Variants in IQSEC1 observed in about 807,000 individuals in gnomAD.
IQSEC1 encodes IQ motif and SEC7 domain-containing protein 1.
In IQSEC1, 31 loss-of-function variants were observed where a neutral mutation model predicts 91.0. The observed-to-expected ratio is 0.34, with a 90% CI of 0.26 to 0.46. The LOEUF is 0.46. IQSEC1 is among the 20% of genes least tolerant of loss of function. The pLI, the probability that IQSEC1 is intolerant of heterozygous loss-of-function variation, is 1.00. For synonymous variants in IQSEC1, 699 were observed against 662.6 expected, an observed-to-expected ratio of 1.05 and a Z score of -0.84; for missense variants, 1,388 against 1,575.6, an observed-to-expected ratio of 0.88 and a Z score of 2.02.
chr3:12,925,390 C>T (rs1697029771), intron 3 of IQSEC1, among the ~76,000 whole-genome samples: 1 of 152,216 alleles, frequency 6.6e-6, no homozygotes, highest in African/African-American at 2.4e-5. Flanking sequence ...CTCTGGTTAC[C>T]TGCGGTGCTC....
intron 1 of IQSEC1, chr3:13,015,472 C>G (rs750977720): frequency 8.2e-5 from 57 of 695,610 alleles, no homozygotes; most frequent in Non-Finnish European, 9.9e-5. Context: ...CTGACGACAG[C>G]CCCCAAGACC....
At chr3:13,266,293 G>A (rs768873435) in intron 1 of IQSEC1, among the ~76,000 whole-genome samples, 5 of 152,162 alleles carry the variant, frequency 3.3e-5, no homozygotes, top group South Asian at 2.1e-4. Context: ...CAATGCCATC[G>A]CCCTTGGACT....
chr3:12,913,573 C>A lies in IQSEC1; in HGVS notation c.2191-20G>T. On this transcript the variant is annotated intron_variant, in intron 8 of 13. Coordinates refer to ENST00000613206, the MANE Select transcript of IQSEC1 (RefSeq NM_001134382.3). ...GAGCACCTGTGTGGGAAGAGGCTGT[C>A]CTGCCACGGCCGCCCAGCTCTCCTC... The A allele has an allele frequency of 6.3e-7, 1 of 1,593,748 alleles. No homozygotes were observed. The highest frequency in any genetic ancestry group is 1.1e-5 in the South Asian group (1 of 90,194).
intron 1 of IQSEC1, among the ~76,000 whole-genome samples, chr3:12,977,764 C>T (rs1439623021): frequency 1.3e-5 from 2 of 152,238 alleles, no homozygotes; most frequent in African/African-American, 2.4e-5. Flanking sequence ...AAATCAACAG[C>T]GTCTCCTAAG....
chr3:13,226,402 A>T (rs1342896435), intron 1 of IQSEC1, among the ~76,000 whole-genome samples: 1 of 152,170 alleles, frequency 6.6e-6, no homozygotes, highest in African/African-American at 2.4e-5. Flanking sequence ...ATAATTACTG[A>T]GCACATACTG....
intron 2 of IQSEC1, among the ~76,000 whole-genome samples, chr3:13,123,326 T>C (rs1706454329): frequency 6.6e-6 from 1 of 152,212 alleles, no homozygotes; most frequent in Admixed American, 6.5e-5. Context: ...GGAAAGCCTG[T>C]CTCTGACATC....
chr3:12,977,950 A>G (rs1337320182), intron 1 of IQSEC1, among the ~76,000 whole-genome samples: 1 of 152,230 alleles, frequency 6.6e-6, no homozygotes, highest in Non-Finnish European at 1.5e-5. Flanking sequence ...GAATGTGTGC[A>G]TTCCTGAATG....
chr3:13,074,232 G>T (rs1327166300), upstream of IQSEC1, among the ~76,000 whole-genome samples: 1 of 152,212 alleles, frequency 6.6e-6, no homozygotes, highest in Non-Finnish European at 1.5e-5. Flanking sequence ...GGCCCTCTGT[G>T]AGGCACGTGT....
rs371643010 is a variant in IQSEC1, at chr3:13,267,105, G to C, written c.272+15606C>G. On this transcript the variant is annotated intron_variant, in intron 1 of 15. Transcript: ENST00000648114. ...GGAGGTGGGGCCTCTGGGAGGTGGT[G>C]AGGTCATGAGGGCAGAGCCCTCCTG... Among the ~76,000 whole-genome samples, 12 of 152,326 alleles carry C rather than the reference G, an allele frequency of 7.9e-5. No homozygotes were observed. The East Asian group carries it at 1.9e-3, about 24-fold the overall frequency.
intron 2 of IQSEC1, among the ~76,000 whole-genome samples, chr3:13,142,967 A>G (rs1458380710): frequency 6.6e-6 from 1 of 152,010 alleles, no homozygotes; most frequent in African/African-American, 2.4e-5. Context: ...ATGGTCCTTC[A>G]TTTCCTCCTG....
At position 13,279,214 on chromosome 3, in the gene IQSEC1, C is replaced by T. The variant is rs572976695; in HGVS notation, c.272+3497G>A. Among the ~76,000 whole-genome samples the T allele has an allele frequency of 2.8e-4, 42 of 152,306 alleles. No individual in the cohort carries two copies. The Middle Eastern group carries it at 0.02, about 74-fold the overall frequency. On this transcript the variant is annotated intron_variant, in intron 1 of 15. Coordinates refer to the IQSEC1 transcript ENST00000648114. Reference sequence around the variant, plus strand: ...AATCCCTCTGGCTTCATCCACTCAACAAATCTTTACTGAGTGCCTATTATG... The same window carrying T: ...AATCCCTCTGGCTTCATCCACTCAATAAATCTTTACTGAGTGCCTATTATG...
At chr3:13,237,848 C>T (rs1008043744) in intron 1 of IQSEC1, among the ~76,000 whole-genome samples, 2 of 152,224 alleles carry the variant, frequency 1.3e-5, no homozygotes, top group Non-Finnish European at 2.9e-5. Flanking sequence ...CGGAGGAGAC[C>T]AGGAGCTCAA....
chr3:12,965,481 C>T (rs193184604), intron 1 of IQSEC1, among the ~76,000 whole-genome samples: 138 of 152,328 alleles, frequency 9.1e-4, no homozygotes, highest in African/African-American at 3.2e-3. Context: ...CCCATGGAAC[C>T]ACATACCAGG....
At chr3:13,114,217 G>C (rs1300780782) in intron 2 of IQSEC1, among the ~76,000 whole-genome samples, 1 of 152,298 alleles carries the variant, frequency 6.6e-6, no homozygotes, top group East Asian at 1.9e-4. Context: ...TACACCTGCA[G>C]GATGCGGGTG....
At chr3:13,123,921 C>G (rs569539723) in intron 2 of IQSEC1, among the ~76,000 whole-genome samples, 6 of 152,380 alleles carry the variant, frequency 3.9e-5, no homozygotes, top group African/African-American at 1.4e-4. Context: ...CAAATCTAGC[C>G]TGCGGCTTGC....
intron 3 of IQSEC1, among the ~76,000 whole-genome samples, chr3:12,932,507 C>T (rs530420221): frequency 2.6e-5 from 4 of 152,310 alleles, no homozygotes; most frequent in East Asian, 1.9e-4. Context: ...CCATGCCTGG[C>T]GCACCGTCAG....
At position 13,169,242 on chromosome 3, in the gene IQSEC1, A is replaced by AG. The variant is rs201288225; in HGVS notation, c.273-5110dup. Among the ~76,000 whole-genome samples the AG allele has an allele frequency of 1.1e-4, 17 of 152,270 alleles. 1 individual carries two copies. Among genetic ancestry groups the AG allele is most frequent in the African/African-American group, 4.1e-4 (17 of 41,548 alleles). ...TACCATGAGATCTGATGATTTTATA[A>AG]GGGGGAGTTTCCCTGCACAAGCTCT... is the stretch of plus-strand genomic sequence containing the variant. On this transcript the variant is annotated intron_variant, in intron 1 of 15. Transcript: ENST00000648114.
chr3:13,029,080 C>G (rs1235901240), intron 1 of IQSEC1, among the ~76,000 whole-genome samples: 8 of 152,318 alleles, frequency 5.3e-5, no homozygotes, highest in Non-Finnish European at 4.4e-5. Flanking sequence ...CTGTGTAAAG[C>G]TATATAGAAG....
intron 2 of IQSEC1, among the ~76,000 whole-genome samples, chr3:13,106,238 C>T (rs752260630): frequency 6.6e-6 from 1 of 152,154 alleles, no homozygotes; most frequent in African/African-American, 2.4e-5. Context: ...GAAGCCTCCC[C>T]GTTTCCCCTC....
Sources: gnomAD v4.1 joint callset for allele counts (sites outside exome capture counted in the v4.1 genomes callset) on GRCh38, gnomAD v4.1.1 for gene constraint, MANE v1.5 for transcripts, NCBI Gene and HGNC (gene_info 2026-07-23, HGNC 2026-07-21) for gene names.